NSL1: variants seen among roughly 807,000 people sequenced by gnomAD.
The protein encoded by NSL1 is NSL1 component of MIS12 kinetochore complex.
Under a neutral mutation model 25.4 loss-of-function variants are expected in NSL1, and 11 were observed. That is an observed-to-expected ratio of 0.43 (90% CI 0.27 to 0.72). NSL1 has a LOEUF of 0.72. Ranked by LOEUF, NSL1 falls within the 30% of genes least tolerant of loss-of-function variation. The pLI is 0.19. For missense variants in NSL1, 330 were observed against 342.7 expected, an observed-to-expected ratio of 0.96 and a Z score of 0.29; for synonymous variants, 118 against 120.6, an observed-to-expected ratio of 0.98 and a Z score of 0.14.
chr1:212,745,168 A>AC (rs1366726683), intron 4 of NSL1, among the ~76,000 whole-genome samples: 576 of 25,768 alleles, frequency 0.022, 2 homozygotes, highest in Non-Finnish European at 0.042. Flanking sequence ...AACTATATAT[A>AC]TATATATATA....
intron 2 of NSL1, among the ~76,000 whole-genome samples, chr1:212,785,295 T>C (rs765694950): frequency 6.6e-6 from 1 of 152,186 alleles, no homozygotes; most frequent in Non-Finnish European, 1.5e-5. Context: ...TTTAAAACAG[T>C]GATTCTCAAA....
chr1:212,764,573 C>T (rs540882195), intron 4 of NSL1, among the ~76,000 whole-genome samples: 18 of 152,002 alleles, frequency 1.2e-4, no homozygotes, highest in Admixed American at 3.3e-4. Context: ...GCTCAATTCA[C>T]GGTGGCTCAT....
Position 212,738,773 on chromosome 1 carries a change from T to C in NSL1, c.568-87A>G, listed in dbSNP as rs926131701. 5.1e-6 allele frequency: 6 copies of C among 1,182,188 alleles called. No individual in the cohort carries two copies. The Admixed American group carries it at 1.3e-4, about 25-fold the overall frequency. 73.2% of individuals were successfully genotyped at this position (1,182,188 alleles called of 1,614,324 possible). On this transcript the variant is annotated intron_variant, in intron 5 of 5. Transcript: ENST00000366977. ...GATGGATGCAGTACTCTAATTTTTT[T>C]TTTTTTTCTTGAGAAGTCTTGCTTT... is the stretch of plus-strand genomic sequence containing the variant.
Position 212,738,077 on chromosome 1 carries a change from G to T in NSL1, c.*331C>A. The T allele has an allele frequency of 1.0e-6, 1 of 1,003,474 alleles. No individual in the cohort carries two copies. The highest frequency in any genetic ancestry group is 4.6e-5 in the South Asian group (1 of 21,938). 62.2% of individuals were successfully genotyped at this position (1,003,474 alleles called of 1,614,324 possible). On this transcript the variant is annotated 3_prime_UTR_variant, in exon 6 of 6. Coordinates refer to ENST00000366977, the MANE Select transcript of NSL1 (RefSeq NM_015471.4). ...ATACCAGGGAAACACAACAGAATTT[G>T]TTACTTGTTAAATCCCACAAAAGCT...
intron 4 of NSL1, among the ~76,000 whole-genome samples, chr1:212,745,162 A>AAC (rs1240029870): frequency 0.068 from 1,109 of 16,212 alleles, 2 homozygotes; most frequent in Non-Finnish European, 0.092. Flanking sequence ...CAAACAAACT[A>AAC]TATATATATA....
intron 2 of NSL1, among the ~76,000 whole-genome samples, chr1:212,787,017 C>T (rs149833264): frequency 6.6e-6 from 1 of 151,648 alleles, no homozygotes; most frequent in East Asian, 1.9e-4. Context: ...TACAAGTTAG[C>T]CAGGCGTGGT....
Position 212,727,078 on chromosome 1 carries a change from T to A in NSL1, c.*11330A>T. ...GCGGGCTCTGGGTCACCCAGCTTCA[T>A]CCTCTTCATCTTGCCAGTTCACCAG... On this transcript the variant is annotated 3_prime_UTR_variant, in exon 6 of 6. Transcript: ENST00000366977. The A allele has an allele frequency of 4.7e-6, 7 of 1,478,382 alleles. No individual in the cohort carries two copies. Among genetic ancestry groups the A allele is most frequent in the Non-Finnish European group, 6.3e-6 (7 of 1,112,052 alleles). The allele number at this position is 1,478,382 out of a possible 1,614,324, so 91.6% of individuals were successfully genotyped here. A position where few individuals can be genotyped will look rare whatever the true frequency, so the allele number is the denominator to read the frequency against.
In NSL1 at chr1:212,729,059, T is replaced by G; in HGVS notation, c.*9349A>C. ...TAAAGGAAGAATACTTGGGTTGGGC[T>G]TACAAGAAAAATAAATTGCAGTAAG... On this transcript the variant is annotated 3_prime_UTR_variant, in exon 6 of 6. Coordinates refer to ENST00000366977, the MANE Select transcript of NSL1 (RefSeq NM_015471.4). 1.0e-6 allele frequency: 1 copy of G among 985,426 alleles called. No homozygotes were observed. The highest frequency in any genetic ancestry group is 1.2e-6 in the Non-Finnish European group (1 of 829,912). 61.0% of individuals were successfully genotyped at this position (985,426 alleles called of 1,614,324 possible).
intron 4 of NSL1, among the ~76,000 whole-genome samples, chr1:212,746,586 T>C (rs556742371): frequency 3.3e-5 from 5 of 152,314 alleles, no homozygotes; most frequent in South Asian, 2.1e-4. Flanking sequence ...AAGACAAAAG[T>C]TGGCAAACGG....
At chr1:212,754,622 C>T (rs1326095185) in intron 4 of NSL1, among the ~76,000 whole-genome samples, 1 of 151,838 alleles carries the variant, frequency 6.6e-6, no homozygotes, top group Non-Finnish European at 1.5e-5. Context: ...ACTAAAAATA[C>T]AAAAATTATC....
chr1:212,754,769 CAAAAAA>C (rs59259608), intron 4 of NSL1, among the ~76,000 whole-genome samples: 1 of 71,320 alleles, frequency 1.4e-5, no homozygotes, highest in Non-Finnish European at 2.6e-5. Flanking sequence ...AATTCTGTCT[CAAAAAA>C]AAAAAAAAAA....
chr1:212,778,339 T>C (rs1027938231), intron 4 of NSL1, among the ~76,000 whole-genome samples: 9 of 152,226 alleles, frequency 5.9e-5, no homozygotes, highest in African/African-American at 1.9e-4. Context: ...ATCAATGTTA[T>C]ACACACTGCC....
intron 3 of NSL1, among the ~76,000 whole-genome samples, chr1:212,783,856 T>C (rs13376383): frequency 0.18 from 28,029 of 152,168 alleles, 2,990 homozygotes; most frequent in African/African-American, 0.3. Context: ...TTCCTGGTCT[T>C]GTCACCCAGA....
chr1:212,778,447 G>A lies in NSL1; in HGVS notation c.499+3925C>T, dbSNP rs186056196. On this transcript the variant is annotated intron_variant, in intron 4 of 5. Coordinates refer to ENST00000366977, the MANE Select transcript of NSL1 (RefSeq NM_015471.4). ...CTCCCCACGGTCTCCCTCTGATGCC[G>A]AGCCGAAGCTGGACTGTACTGCTGC... is the stretch of plus-strand genomic sequence containing the variant. Among the ~76,000 whole-genome samples, 188 of 152,308 alleles carry A rather than the reference G, an allele frequency of 1.2e-3. 1 individual carries two copies. Among genetic ancestry groups the A allele is most frequent in the African/African-American group, 4.4e-3 (184 of 41,570 alleles).
chr1:212,778,661 G>C (rs533880800), intron 4 of NSL1, among the ~76,000 whole-genome samples: 1 of 151,140 alleles, frequency 6.6e-6, no homozygotes. Flanking sequence ...TCGGCCTCCC[G>C]AGGTGCCGGG....
intron 2 of NSL1, among the ~76,000 whole-genome samples, chr1:212,786,581 G>A (rs1007055460): frequency 1.3e-5 from 2 of 152,154 alleles, no homozygotes; most frequent in East Asian, 1.9e-4. Flanking sequence ...GCCAAGGCAG[G>A]CAGATCACCT....
chr1:212,788,078 A>G (rs78723135), intron 1 of NSL1, among the ~76,000 whole-genome samples: 3,467 of 152,346 alleles, frequency 0.023, 62 homozygotes, highest in South Asian at 0.042. Context: ...ATGAACACTT[A>G]TGTAGCGATG....
intron 5 of NSL1, 25 bp from the exon 6 acceptor site, chr1:212,738,711 T>C (rs1418838177): frequency 6.3e-7 from 1 of 1,575,258 alleles, no homozygotes; most frequent in Admixed American, 1.8e-5. Context: ...ACAGTAATAT[T>C]CAACATTAAT....
At chr1:212,751,737 AAC>A (rs2102443334) in intron 4 of NSL1, among the ~76,000 whole-genome samples, 1 of 152,332 alleles carries the variant, frequency 6.6e-6, no homozygotes, top group African/African-American at 2.4e-5. Flanking sequence ...AAAGAAGGAA[AAC>A]ACAACTAAAA....
Sources: allele counts gnomAD v4.1 joint callset (sites outside exome capture counted in the v4.1 genomes callset), GRCh38; gene constraint gnomAD v4.1.1; transcripts MANE v1.5; gene names NCBI Gene and HGNC (gene_info 2026-07-23, HGNC 2026-07-21).